The following RUNX1T1 variants were observed in gnomAD, a reference collection of about 807,000 sequenced individuals.
RUNX1T1 encodes protein CBFA2T1.
Under a neutral mutation model 62.8 loss-of-function variants are expected in RUNX1T1, and 4 were observed. That is an observed-to-expected ratio of 0.06 (90% CI 0.03 to 0.15). The LOEUF (loss-of-function observed/expected upper bound fraction) is 0.15. Among genes scored for constraint, RUNX1T1 ranks in the 10% least tolerant of loss-of-function variants. RUNX1T1 has a pLI of 1.00. For synonymous variants in RUNX1T1, 291 were observed against 286.0 expected (o/e 1.02, Z -0.18); for missense variants, 508 against 754.3 (o/e 0.67, Z 3.82).
At chr8:92,017,416 T>C (rs1255806464) in intron 1 of RUNX1T1, 53 bp from the exon 3 acceptor site, 2 of 1,613,808 alleles carry the variant, frequency 1.2e-6, no homozygotes, top group South Asian at 2.2e-5. Context: ...ACCTCAGTTT[T>C]TCAAGTGGGG....
rs1180170042 is a variant in RUNX1T1 at position 92,007,901 on chromosome 8, G to A, written c.478-2604C>T. On this transcript the variant is annotated intron_variant, in intron 4 of 10. Coordinates refer to ENST00000396218, the Ensembl canonical transcript of RUNX1T1. Reference sequence around the variant, plus strand: ...GAGGACTGTTTGAACCCAAGAGGTCGAGGCTCCAATGAGCCATGACCGTGC... The same window carrying A: ...GAGGACTGTTTGAACCCAAGAGGTCAAGGCTCCAATGAGCCATGACCGTGC... 4.9e-4 allele frequency among the ~76,000 whole-genome samples: 73 copies of A among 148,314 alleles called. 1 individual carries two copies. Among genetic ancestry groups the A allele is most frequent in the Non-Finnish European group, 1.6e-4 (11 of 67,548 alleles).
chr8:92,084,445 AAAC>A (rs1277944594), intron 1 of RUNX1T1, among the ~76,000 whole-genome samples: 2 of 152,180 alleles, frequency 1.3e-5, no homozygotes, highest in Admixed American at 6.5e-5. Context: ...TTGAGAAAAA[AAAC>A]AACATGCTGT....
intron 1 of RUNX1T1, among the ~76,000 whole-genome samples, chr8:92,091,082 C>T (rs1334209416): frequency 1.3e-5 from 2 of 152,126 alleles, no homozygotes; most frequent in Non-Finnish European, 2.9e-5. Context: ...TGAACCCAGT[C>T]AATCACATTC....
intron 1 of RUNX1T1, among the ~76,000 whole-genome samples, chr8:92,084,688 AG>A (rs2130848377): frequency 6.6e-6 from 1 of 152,286 alleles, no homozygotes; most frequent in South Asian, 2.1e-4. Flanking sequence ...TTGGGGAGGA[AG>A]GGTCATGAAA....
At chr8:92,055,669 G>T (rs1185354520) in intron 1 of RUNX1T1, among the ~76,000 whole-genome samples, 2 of 152,038 alleles carry the variant, frequency 1.3e-5, no homozygotes, top group African/African-American at 2.4e-5. Flanking sequence ...CTAAAAAGTT[G>T]GGTTTTGCCT....
chr8:92,101,660 C>T (rs1838042232), upstream of RUNX1T1, among the ~76,000 whole-genome samples: 3 of 152,284 alleles, frequency 2.0e-5, no homozygotes, highest in East Asian at 1.9e-4. Context: ...GGGAAGGCGG[C>T]TATTTTTAGT....
intron 1 of RUNX1T1, among the ~76,000 whole-genome samples, chr8:92,093,551 T>C (rs1462085705): frequency 1.3e-5 from 2 of 152,186 alleles, no homozygotes; most frequent in Non-Finnish European, 2.9e-5. Context: ...TTGAACCCAT[T>C]ATCGCTTCTC....
chr8:91,974,755 G>A lies in RUNX1T1; in HGVS notation c.1267+1150C>T, dbSNP rs569322864. Among the ~76,000 whole-genome samples, 18 of 152,258 alleles carry A rather than the reference G, an allele frequency of 1.2e-4. No homozygotes were observed. In the South Asian group the frequency reaches 1.7e-3, roughly 14 times the overall value. On this transcript the variant is annotated intron_variant, in intron 9 of 10. Coordinates refer to ENST00000396218, the Ensembl canonical transcript of RUNX1T1. ...AGCTAAATGGACCTATCTAATTTGCGTATTGGACGTGCAAGACAGCTTTCT... is the reference window on the plus strand; with the variant it reads ...AGCTAAATGGACCTATCTAATTTGCATATTGGACGTGCAAGACAGCTTTCT...
intron 1 of RUNX1T1, chr8:92,095,323 C>T: frequency 6.5e-7 from 1 of 1,531,304 alleles, no homozygotes; most frequent in South Asian, 1.2e-5. Flanking sequence ...CTGCTCGCCT[C>T]CCTCCCCTGT....
chr8:92,096,528 A>C lies in RUNX1T1; in HGVS notation c.-86+3052T>G, dbSNP rs544497015. ...CATCAGACAATGTGAACATCTGATC[A>C]GCTCCTTAATGGAGTGCAGATAATG... On this transcript the variant is annotated intron_variant, in intron 1 of 11. Transcript: ENST00000265814. 2.0e-4 allele frequency among the ~76,000 whole-genome samples: 31 copies of C among 152,338 alleles called. No homozygotes were observed. The South Asian group carries it at 6.2e-3, about 31-fold the overall frequency.
At chr8:92,062,574 C>G (rs768141794) in exon 1 of RUNX1T1, 1 of 1,614,060 alleles carries the variant, frequency 6.2e-7, no homozygotes, top group Non-Finnish European at 8.5e-7. Context: ...GCGTACCACA[C>G]AGAAAGTGGC....
At chr8:92,075,555 T>G (rs1310990209) in intron 2 of RUNX1T1, among the ~76,000 whole-genome samples, 1 of 152,220 alleles carries the variant, frequency 6.6e-6, no homozygotes, top group Non-Finnish European at 1.5e-5. Context: ...TTTTGCCTAT[T>G]TAGTCAACAA....
intron 5 of RUNX1T1, chr8:91,994,689 T>G: frequency 4.3e-6 from 2 of 461,716 alleles, no homozygotes; most frequent in Non-Finnish European, 8.5e-6. Context: ...GTGCTGAAGG[T>G]AGGCAATGAA....
chr8:92,084,234 C>T (rs1210735644), intron 1 of RUNX1T1, among the ~76,000 whole-genome samples: 2 of 120,434 alleles, frequency 1.7e-5, no homozygotes, highest in South Asian at 2.7e-4. Context: ...TATCCCAGAA[C>T]TTAAAGTATA....
chr8:92,098,275 C>T (rs968317063), intron 1 of RUNX1T1, among the ~76,000 whole-genome samples: 8 of 152,120 alleles, frequency 5.3e-5, no homozygotes, highest in Admixed American at 2.0e-4. Flanking sequence ...ATGTGGTAGA[C>T]ATTCATGTGA....
upstream of RUNX1T1, among the ~76,000 whole-genome samples, chr8:92,102,499 C>A (rs911163607): frequency 1.3e-5 from 2 of 151,610 alleles, no homozygotes; most frequent in South Asian, 4.2e-4. This position sits in a 1 kb window ranked among gnomAD's most constrained non-coding sequence, Gnocchi z 4.5. Context: ...GCACTGTGGG[C>A]ACCTCGATCG....
At chr8:91,976,372 G>A (rs533144787) in intron 8 of RUNX1T1, among the ~76,000 whole-genome samples, 5 of 152,236 alleles carry the variant, frequency 3.3e-5, no homozygotes, top group Non-Finnish European at 7.4e-5. Flanking sequence ...AAATGTTCAG[G>A]TAATGTAATT....
At chr8:92,074,007 A>T (rs1834052979) in intron 2 of RUNX1T1, among the ~76,000 whole-genome samples, 1 of 152,134 alleles carries the variant, frequency 6.6e-6, no homozygotes, top group South Asian at 2.1e-4. Flanking sequence ...CTAGAAGTAA[A>T]TTTTTAATGC....
At chr8:92,067,836 A>G (rs1833096303), upstream of RUNX1T1, among the ~76,000 whole-genome samples, 1 of 152,192 alleles carries the variant, frequency 6.6e-6, no homozygotes, top group Non-Finnish European at 1.5e-5. Context: ...CAATGCCTTT[A>G]AAATATGACA....
Sources: allele counts gnomAD v4.1 joint callset (sites outside exome capture counted in the v4.1 genomes callset), GRCh38; gene constraint gnomAD v4.1.1; non-coding constraint Gnocchi (gnomAD v3.1); transcripts MANE v1.5; gene names NCBI Gene and HGNC (gene_info 2026-07-23, HGNC 2026-07-21).